Variants in MRPL42 observed in about 807,000 individuals in gnomAD.
MRPL42 encodes the protein mitochondrial ribosomal protein L42, also known as large ribosomal subunit protein mL42.
Under a neutral mutation model 17.9 loss-of-function variants are expected in MRPL42, and 17 were observed. The ratio of observed to expected loss-of-function variants is 0.95; its 90% CI spans 0.65 to 1.42. MRPL42 has a LOEUF of 1.42. Ranked by LOEUF, MRPL42 falls within the 40% of genes most tolerant of loss-of-function variation. The probability of loss-of-function intolerance (pLI) is 0.00; values close to 1 mark genes in which losing one functional copy is unlikely to be tolerated. For synonymous variants in MRPL42, 59 were observed against 54.4 expected (o/e 1.08, Z -0.37); for missense variants, 177 against 175.2 (o/e 1.01, Z -0.06).
At chr12:93,485,001 TATATATATATATATATATA>T (rs1880658441) in intron 4 of MRPL42, among the ~76,000 whole-genome samples, 1 of 25,250 alleles carries the variant, frequency 4.0e-5, no homozygotes, top group Non-Finnish European at 8.6e-5. Flanking sequence ...TATATATATA[TATATATATATATATATATA>T]TATATATAAA....
Position 93,504,979 on chromosome 12 carries a change from T to C in MRPL42, c.*3758T>C, listed in dbSNP as rs1390142608. ...AATATGGTTTTATAAAATACATTGC[T>C]CTAGTGCACAGGATTTTAAGCTAAG... On this transcript the variant is annotated 3_prime_UTR_variant, in exon 6 of 6. Transcript: ENST00000549982. 1 of 152,214 alleles carries C rather than the reference T, an allele frequency of 6.6e-6. No homozygotes were observed. The highest frequency in any genetic ancestry group is 1.5e-5 in the Non-Finnish European group (1 of 68,048). The allele number at this position is 152,214 out of a possible 1,614,324, so 9.4% of individuals were successfully genotyped here.
rs537334910 is a variant in MRPL42 at position 93,505,292 on chromosome 12, C to A, written c.*4071C>A. 8.5e-5 allele frequency: 13 copies of A among 152,278 alleles called. No homozygotes were observed. Among genetic ancestry groups the A allele is most frequent in the African/African-American group, 2.6e-4 (11 of 41,554 alleles). 9.4% of individuals were successfully genotyped at this position (152,278 alleles called of 1,614,324 possible). ...AAGAAAAAAAGATATAATGTGCCAT[C>A]ATTTTGGATGGTTCTGGGCACTTCA... On this transcript the variant is annotated 3_prime_UTR_variant, in exon 6 of 6. Coordinates refer to ENST00000549982, the MANE Select transcript of MRPL42 (RefSeq NM_014050.4).
Position 93,508,920 on chromosome 12 carries a change from G to C in MRPL42, c.*7699G>C, listed in dbSNP as rs1953698172. On this transcript the variant is annotated 3_prime_UTR_variant, in exon 6 of 6. Transcript: ENST00000549982. ...ATGAGCTGGGGGGCTGGGCGTGGTA[G>C]TTCACACCTGTAATCCCAGCACTTT... 6.6e-6 allele frequency: 1 copy of C among 152,194 alleles called. No individual in the cohort carries two copies. 9.4% of individuals were successfully genotyped at this position (152,194 alleles called of 1,614,324 possible).
At chr12:93,473,424 GTTAT>G (rs957766624) in intron 2 of MRPL42, among the ~76,000 whole-genome samples, 1 of 151,176 alleles carries the variant, frequency 6.6e-6, no homozygotes, top group Non-Finnish European at 1.5e-5. Context: ...ACCATGTCTG[GTTAT>G]TTATTTATTT....
chr12:93,484,977 C>CATATATATAT (rs1565813727), intron 4 of MRPL42, among the ~76,000 whole-genome samples: 3 of 28,592 alleles, frequency 1.0e-4, no homozygotes, highest in Non-Finnish European at 1.7e-4. Flanking sequence ...CACACACACA[C>CATATATATAT]ACATATATAT....
In MRPL42 at chr12:93,509,231, TG is replaced by T. The variant is rs1403934739; in HGVS notation, c.*8011del. On this transcript the variant is annotated 3_prime_UTR_variant, in exon 6 of 6. Transcript: ENST00000549982. ...GCCAAAACGCTTTTTGCAAAGTGGT[TG>T]TACCATTTTATATTCTCACCACCAT... 9.9e-5 allele frequency: 15 copies of T among 151,554 alleles called. No homozygotes were observed. Among genetic ancestry groups the T allele is most frequent in the Admixed American group, 9.9e-4 (15 of 15,180 alleles). The allele number at this position is 151,554 out of a possible 1,614,324, so 9.4% of individuals were successfully genotyped here.
chr12:93,476,886 G>A (rs572824042), intron 2 of MRPL42, 68 bp from the exon 3 acceptor site: 1 of 1,422,328 alleles, frequency 7.0e-7, no homozygotes, highest in African/African-American at 1.4e-5. Flanking sequence ...AGTAAAACTA[G>A]CTTTAAATTT....
intron 3 of MRPL42, 117 bp from the exon 4 acceptor site, chr12:93,479,271 C>G: frequency 2.0e-6 from 1 of 490,390 alleles, no homozygotes; most frequent in Non-Finnish European, 3.4e-6. Context: ...GGCTGGAGTG[C>G]CCACTGCACT....
chr12:93,488,034 G>C, intron 5 of MRPL42: 1 of 273,432 alleles, frequency 3.7e-6, no homozygotes, highest in Non-Finnish European at 6.7e-6. Context: ...GCAGTGGCGA[G>C]ATCTCGTTTC....
At chr12:93,475,213 C>T (rs2121177277) in intron 2 of MRPL42, among the ~76,000 whole-genome samples, 1 of 152,022 alleles carries the variant, frequency 6.6e-6, no homozygotes, top group African/African-American at 2.4e-5. Flanking sequence ...CTCCCGGGTT[C>T]AAGTGATTCT....
chr12:93,476,941 G>A lies in MRPL42; in HGVS notation c.71-13G>A, dbSNP rs1278603244. The A allele has an allele frequency of 6.2e-7, 1 of 1,600,206 alleles. No individual in the cohort carries two copies. Among genetic ancestry groups the A allele is most frequent in the Admixed American group, 1.7e-5 (1 of 58,522 alleles). On this transcript the variant is annotated splice_polypyrimidine_tract_variant and intron_variant, in intron 2 of 5. Transcript: ENST00000549982. Reference sequence around the variant, plus strand: ...ATTAACCAAATCTGTTTTACTGTTTGGGGTTTTTGCAGATGGAGCTTTATA... The same window carrying A: ...ATTAACCAAATCTGTTTTACTGTTTAGGGTTTTTGCAGATGGAGCTTTATA...
intron 5 of MRPL42, chr12:93,488,299 T>C: frequency 2.5e-6 from 1 of 398,484 alleles, no homozygotes; most frequent in Non-Finnish European, 4.4e-6. Context: ...AGGCAAGGTC[T>C]CACTCACTGT....
intron 5 of MRPL42, chr12:93,488,226 T>TC: frequency 2.6e-6 from 1 of 390,692 alleles, no homozygotes; most frequent in Non-Finnish European, 4.5e-6. Flanking sequence ...CACCTTGGCC[T>TC]CCCAAAGTGC....
chr12:93,475,652 C>G (rs554316052), intron 2 of MRPL42, among the ~76,000 whole-genome samples: 1 of 152,074 alleles, frequency 6.6e-6, no homozygotes, highest in East Asian at 1.9e-4. Flanking sequence ...AAAGAATACC[C>G]TTTTTTGAAC....
chr12:93,499,192 T>C (rs1251275612), intron 5 of MRPL42, among the ~76,000 whole-genome samples: 1 of 123,862 alleles, frequency 8.1e-6, no homozygotes, highest in Non-Finnish European at 1.7e-5. Flanking sequence ...CTAGTGATTG[T>C]AGTGCACATT....
chr12:93,484,082 A>G (rs1455999865), intron 4 of MRPL42, among the ~76,000 whole-genome samples: 1 of 152,078 alleles, frequency 6.6e-6, no homozygotes, highest in Non-Finnish European at 1.5e-5. Flanking sequence ...CTCCTATGAT[A>G]ACAGTGTCTT....
At chr12:93,488,770 T>C (rs1953359942) in intron 5 of MRPL42, among the ~76,000 whole-genome samples, 1 of 152,228 alleles carries the variant, frequency 6.6e-6, no homozygotes, top group South Asian at 2.1e-4. Flanking sequence ...TTAGTTTTCC[T>C]CTTTTTGATT....
At chr12:93,487,038 C>A (rs1459597820) in intron 4 of MRPL42, among the ~76,000 whole-genome samples, 1 of 152,070 alleles carries the variant, frequency 6.6e-6, no homozygotes, top group Non-Finnish European at 1.5e-5. Context: ...AGTGTGATCA[C>A]AGGTAGCCTC....
Position 93,502,913 on chromosome 12 carries a change from G to C in MRPL42, c.*1692G>C, listed in dbSNP as rs1953615051. The stretch of plus-strand genomic sequence containing the variant: ...TTGACTTTATTCTACTGGAAGTATA[G>C]ATTAACACTGTGCTTTCTGGGATTT... On this transcript the variant is annotated 3_prime_UTR_variant, in exon 6 of 6. Coordinates refer to ENST00000549982, the MANE Select transcript of MRPL42 (RefSeq NM_014050.4). 6.6e-6 allele frequency: 1 copy of C among 152,180 alleles called. No homozygotes were observed. The highest frequency in any genetic ancestry group is 6.5e-5 in the Admixed American group (1 of 15,270). The allele number at this position is 152,180 out of a possible 1,614,324, so 9.4% of individuals were successfully genotyped here.
Sources: gnomAD v4.1 joint callset for allele counts (sites outside exome capture counted in the v4.1 genomes callset) on GRCh38, gnomAD v4.1.1 for gene constraint, MANE v1.5 for transcripts, NCBI Gene and HGNC (gene_info 2026-07-23, HGNC 2026-07-21) for gene names.